PWWP2A: variants seen among roughly 807,000 people sequenced by gnomAD.
PWWP2A encodes the protein PWWP domain-containing protein 2A.
Under a neutral mutation model 48.5 loss-of-function variants are expected in PWWP2A, and 18 were observed. That is an observed-to-expected ratio of 0.37 (90% CI 0.26 to 0.55). The LOEUF (loss-of-function observed/expected upper bound fraction) is 0.55. Among genes scored for constraint, PWWP2A ranks in the 20% least tolerant of loss-of-function variants. The pLI is 0.81. For synonymous variants in PWWP2A, 396 were observed against 387.7 expected, an observed-to-expected ratio of 1.02 and a Z score of -0.25; for missense variants, 867 against 976.4, an observed-to-expected ratio of 0.89 and a Z score of 1.49.
At chr5:160,102,017 G>T (rs1001968700) in intron 1 of PWWP2A, among the ~76,000 whole-genome samples, 10 of 151,632 alleles carry the variant, frequency 6.6e-5, no homozygotes, top group African/African-American at 2.4e-4. Context: ...GACTGAGGCA[G>T]GAGAATCACT....
intron 1 of PWWP2A, among the ~76,000 whole-genome samples, chr5:160,115,052 A>G (rs1164066641): frequency 5.4e-5 from 8 of 147,338 alleles, no homozygotes; most frequent in African/African-American, 1.3e-4. Flanking sequence ...CAGAAGAATC[A>G]CTTGAACCCG....
Position 160,093,696 on chromosome 5 carries a change from C to T in PWWP2A, c.954G>A (p.Arg318=). 6.2e-7 allele frequency: 1 copy of T among 1,613,964 alleles called. No individual in the cohort carries two copies. Among genetic ancestry groups the T allele is most frequent in the Non-Finnish European group, 8.5e-7 (1 of 1,179,888 alleles). ...TTTTACATTTATCACACAGAACTTG[C>T]CTGGGTCGTAGTTTAATAGCATTCA... The part of the protein sequence containing the change: ...SIMNAIKLRP[R]QVLCDKCKNS... The change falls in exon 2 of 2, where the codon AGG becomes AGA. Residue 318 remains arginine (R), a synonymous_variant. Transcript: ENST00000307063. The surrounding 1 kb of genome is among the most constrained non-coding windows in gnomAD (Gnocchi z 5.8).
At chr5:160,068,195 T>A (rs959333310) in intron 2 of PWWP2A, among the ~76,000 whole-genome samples, 1 of 152,046 alleles carries the variant, frequency 6.6e-6, no homozygotes, top group African/African-American at 2.4e-5. Flanking sequence ...AATAAAAAGT[T>A]CTGTGATGCT....
chr5:160,082,951 C>A (rs1220875090), intron 2 of PWWP2A, among the ~76,000 whole-genome samples: 1 of 152,206 alleles, frequency 6.6e-6, no homozygotes, highest in East Asian at 1.9e-4. Flanking sequence ...CCCTCAATCT[C>A]CCTCTTAGCG....
intron 1 of PWWP2A, among the ~76,000 whole-genome samples, chr5:160,111,935 T>A (rs1446554960): frequency 1.3e-5 from 2 of 151,694 alleles, no homozygotes; most frequent in African/African-American, 4.8e-5. Flanking sequence ...CGGATGAGCC[T>A]GGGCAACAAA....
chr5:160,094,205 A>G, intron 1 of PWWP2A, 140 bp from the exon 2 acceptor site: 2 of 1,091,538 alleles, frequency 1.8e-6, no homozygotes, highest in Admixed American at 3.1e-5. Context: ...GACTACAAAA[A>G]TCTACTATCT....
intron 1 of PWWP2A, among the ~76,000 whole-genome samples, chr5:160,094,696 C>G (rs1755428498): frequency 6.6e-6 from 1 of 152,130 alleles, no homozygotes; most frequent in Admixed American, 6.6e-5. Flanking sequence ...AGAGCTGTGG[C>G]TTTCTTTTTA....
chr5:160,063,141 T>G (rs554009837), intron 5 of PWWP2A, among the ~76,000 whole-genome samples: 7 of 152,354 alleles, frequency 4.6e-5, no homozygotes, highest in Admixed American at 3.3e-4. Flanking sequence ...GGCCTTTCTC[T>G]GGACATAGTG....
chr5:160,113,801 C>T (rs906468573), intron 1 of PWWP2A, among the ~76,000 whole-genome samples: 17 of 152,212 alleles, frequency 1.1e-4, no homozygotes, highest in South Asian at 8.3e-4. Flanking sequence ...TTCAGAAATA[C>T]GCAACTTTCA....
rs1322538504 is a variant in PWWP2A, at chr5:160,093,887, C to T, written c.763G>A (p.Glu255Lys). Residue 255 changes from glutamate to lysine, a missense_variant, in exon 2 of 2, where the codon GAA becomes AAA. Around this residue, in one of 4 missense-constraint regions of PWWP2A, gnomAD observed 385 missense variants for 396.9 expected, o/e 0.97. Transcript: ENST00000307063. This position sits in a 1 kb window ranked among gnomAD's most constrained non-coding sequence, Gnocchi z 5.8. ...PVPHPELSLA[E>K]SLWTSKPPPL... ...GGTGGTTTGGAAGTCCACAGGCTTT[C>T]AGCCAAGCTCAGCTCGGGATGCGGG... 6.2e-7 allele frequency: 1 copy of T among 1,614,068 alleles called. No homozygotes were observed. Among genetic ancestry groups the T allele is most frequent in the East Asian group, 2.2e-5 (1 of 44,890 alleles).
At chr5:160,071,940 G>T (rs1753748815), downstream of PWWP2A, among the ~76,000 whole-genome samples, 1 of 152,146 alleles carries the variant, frequency 6.6e-6, no homozygotes, top group Admixed American at 6.5e-5. Flanking sequence ...CTTATCTGTG[G>T]ATACTCTGTA....
chr5:160,096,239 G>GT (rs768806310), intron 1 of PWWP2A, among the ~76,000 whole-genome samples: 2 of 151,954 alleles, frequency 1.3e-5, no homozygotes, highest in Non-Finnish European at 2.9e-5. Context: ...TTTACCTACG[G>GT]TAAGACAAGA....
intron 1 of PWWP2A, among the ~76,000 whole-genome samples, chr5:160,100,809 TAAATGC>T (rs1352823054): frequency 6.6e-6 from 1 of 152,124 alleles, no homozygotes; most frequent in East Asian, 1.9e-4. Context: ...ATGAAATAGC[TAAATGC>T]AAAAGAAAAT....
At chr5:160,108,443 T>C in intron 1 of PWWP2A, 1 of 489,680 alleles carries the variant, frequency 2.0e-6, no homozygotes, top group Non-Finnish European at 3.6e-6. Flanking sequence ...CAAAAAAATA[T>C]TACTTATAAT....
intron 1 of PWWP2A, chr5:160,117,796 G>A (rs1200951470): frequency 1.4e-6 from 1 of 716,222 alleles, no homozygotes; most frequent in African/African-American, 1.9e-5. Context: ...GGGTCTTGAT[G>A]GGAGAGCAAG....
Position 160,093,916 on chromosome 5 carries a change from G to C in PWWP2A, c.734C>G (p.Pro245Arg), listed in dbSNP as rs765804330. The change falls in exon 2 of 2, where the codon CCT (proline) becomes CGT (arginine). Residue 245 changes from proline to arginine, a missense_variant. By Grantham distance (103) the Pro-to-Arg change is moderately radical. This residue lies in a region of PWWP2A where 385 missense variants were observed against 396.9 expected (regional missense o/e 0.97). Coordinates refer to ENST00000307063, the MANE Select transcript of PWWP2A (RefSeq NM_001130864.2). This position sits in a 1 kb window ranked among gnomAD's most constrained non-coding sequence, Gnocchi z 5.8. ...ANGAVPDDPSPVPHPELSLAE... is the reference protein window; with the variant it reads ...ANGAVPDDPSRVPHPELSLAE... ...CAAGCTCAGCTCGGGATGCGGGACA[G>C]GAGAAGGGTCATCGGGAACAGCACC... 1.2e-6 allele frequency: 2 copies of C among 1,613,944 alleles called. No homozygotes were observed. Among genetic ancestry groups the C allele is most frequent in the African/African-American group, 1.3e-5 (1 of 74,954 alleles).
At chr5:160,060,329 G>A (rs1757664529), downstream of PWWP2A, among the ~76,000 whole-genome samples, 1 of 152,226 alleles carries the variant, frequency 6.6e-6, no homozygotes, top group Non-Finnish European at 1.5e-5. Flanking sequence ...GGGTTATGGT[G>A]ATATGCTACT....
At chr5:160,102,070 A>AT (rs1248542357) in intron 1 of PWWP2A, among the ~76,000 whole-genome samples, 1 of 149,488 alleles carries the variant, frequency 6.7e-6, no homozygotes, top group East Asian at 2.0e-4. Context: ...AGATCACACC[A>AT]TTGCCCTCCA....
chr5:160,072,491 G>A (rs143597577), downstream of PWWP2A, among the ~76,000 whole-genome samples: 3 of 152,350 alleles, frequency 2.0e-5, no homozygotes, highest in East Asian at 3.9e-4. Flanking sequence ...ACCTGCGGGG[G>A]GCGAGGTGGG....
Sources: gnomAD v4.1 joint callset for allele counts (sites outside exome capture counted in the v4.1 genomes callset) on GRCh38, gnomAD v4.1.1 for gene constraint, gnomAD v4.1.1 regional missense constraint, Gnocchi (gnomAD v3.1) non-coding constraint, MANE v1.5 for transcripts, NCBI Gene and HGNC (gene_info 2026-07-23, HGNC 2026-07-21) for gene names.